Variants in PHF21B observed in about 807,000 individuals in gnomAD.
PHF21B encodes PHD finger protein 21B, also known as PHD finger protein 4.
A neutral mutation model predicts 62.2 loss-of-function variants in PHF21B; 22 were observed. That is an observed-to-expected ratio of 0.35 (90% CI 0.25 to 0.51). PHF21B has a LOEUF of 0.51. PHF21B is among the 20% of genes least tolerant of loss of function. PHF21B has a pLI of 0.97. For missense variants in PHF21B, 701 were observed against 707.9 expected (o/e 0.99, Z 0.11); for synonymous variants, 341 against 314.7 (o/e 1.08, Z -0.88).
At position 45,009,652 on chromosome 22, in the gene PHF21B, G is replaced by C; in HGVS notation, c.-103C>G. The C allele has an allele frequency of 3.4e-6, 4 of 1,187,710 alleles. No homozygotes were observed. Among genetic ancestry groups the C allele is most frequent in the South Asian group, 1.7e-5 (1 of 58,934 alleles). The allele number at this position is 1,187,710 out of a possible 1,614,324, so 73.6% of individuals were successfully genotyped here. A position where few individuals can be genotyped will look rare whatever the true frequency, so the allele number is the denominator to read the frequency against. ...GCGGGCGCGGGCGGACGCGGCCTCC[G>C]GGCTGGGTTGGGGGGGACACGAGCC... On this transcript the variant is annotated 5_prime_UTR_variant, in exon 1 of 13. Coordinates refer to ENST00000313237, the MANE Select transcript of PHF21B (RefSeq NM_138415.5). The surrounding 1 kb of genome is among the most constrained non-coding windows in gnomAD (Gnocchi z 5.9).
intron 5 of PHF21B, among the ~76,000 whole-genome samples, chr22:44,909,238 A>ACAATAATT (rs1481497156): frequency 6.6e-6 from 1 of 152,280 alleles, no homozygotes; most frequent in African/African-American, 2.4e-5. Flanking sequence ...GTATAAATGC[A>ACAATAATT]CAATAATTGA....
At chr22:44,895,286 G>A (rs573895145) in intron 6 of PHF21B, among the ~76,000 whole-genome samples, 2 of 152,224 alleles carry the variant, frequency 1.3e-5, no homozygotes, top group East Asian at 3.9e-4. Flanking sequence ...AGGCTTCCCA[G>A]GCCCTAAGAT....
chr22:45,008,165 A>T (rs938792774), intron 2 of PHF21B: 4 of 179,600 alleles, frequency 2.2e-5, no homozygotes, highest in Non-Finnish European at 4.6e-5. Context: ...GCTTCCAACG[A>T]GTTTGGTGTC....
chr22:44,901,969 C>T, intron 5 of PHF21B: 1 of 209,972 alleles, frequency 4.8e-6, no homozygotes, highest in Non-Finnish European at 9.9e-6. Context: ...GGCAAAAACC[C>T]CTTCAGCCAG....
intron 5 of PHF21B, among the ~76,000 whole-genome samples, chr22:44,908,883 C>T (rs539243260): frequency 6.3e-4 from 96 of 152,314 alleles, no homozygotes; most frequent in African/African-American, 2.2e-3. Context: ...CCGCAACCTC[C>T]GCCTCCCAGG....
chr22:45,007,705 G>C (rs1294016805), intron 2 of PHF21B, among the ~76,000 whole-genome samples: 9 of 105,218 alleles, frequency 8.6e-5, no homozygotes, highest in Non-Finnish European at 1.3e-4. Flanking sequence ...GGGTGTGCGA[G>C]CGCGGGGAAG....
intron 2 of PHF21B, among the ~76,000 whole-genome samples, chr22:45,002,640 C>T (rs931416082): frequency 2.0e-5 from 3 of 152,244 alleles, no homozygotes; most frequent in African/African-American, 7.2e-5. Flanking sequence ...GCATCCTTCA[C>T]ACTCCTCCCT....
intron 2 of PHF21B, among the ~76,000 whole-genome samples, chr22:44,974,762 C>T (rs117198869): frequency 1.8e-3 from 278 of 152,264 alleles, no homozygotes; most frequent in Non-Finnish European, 3.0e-3. Flanking sequence ...CAAATCAGAG[C>T]GCTGAGCGTG....
chr22:44,976,730 C>T (rs967766796), intron 2 of PHF21B, among the ~76,000 whole-genome samples: 8 of 152,180 alleles, frequency 5.3e-5, no homozygotes, highest in Non-Finnish European at 1.0e-4. Flanking sequence ...CACCTACAGG[C>T]CCATTTAAAA....
chr22:44,896,949 G>A (rs562179976), intron 5 of PHF21B, among the ~76,000 whole-genome samples: 2 of 144,324 alleles, frequency 1.4e-5, no homozygotes, highest in South Asian at 4.4e-4. Flanking sequence ...AGTAATCACA[G>A]CTCACTGCAG....
intron 2 of PHF21B, among the ~76,000 whole-genome samples, chr22:44,932,968 G>A (rs951459915): frequency 1.3e-5 from 2 of 152,222 alleles, no homozygotes; most frequent in African/African-American, 4.8e-5. Flanking sequence ...CAACCCTAGA[G>A]GTGCCCACAA....
At position 44,998,858 on chromosome 22, in the gene PHF21B, C is replaced by G. The variant is rs1343651163; in HGVS notation, c.120+9687G>C. On this transcript the variant is annotated intron_variant, in intron 2 of 12. Coordinates refer to ENST00000313237, the MANE Select transcript of PHF21B (RefSeq NM_138415.5). ...ACGCCCGGTGCGTACAATGCTCGCC[C>G]CATTCATCCCCGGGACATCACTGCC... 2.0e-5 allele frequency among the ~76,000 whole-genome samples: 3 copies of G among 152,198 alleles called. No individual in the cohort carries two copies. In the East Asian group the frequency reaches 5.8e-4, roughly 29 times the overall value.
Position 44,984,201 on chromosome 22 carries a change from TACC to T in PHF21B, c.120+24341_120+24343del, listed in dbSNP as rs1367862358. On this transcript the variant is annotated intron_variant, in intron 2 of 12. Transcript: ENST00000313237. The stretch of plus-strand genomic sequence containing the variant: ...TCACAACCACCATCATCACCACCAC[TACC>T]ACCATCATCACCACCACCATCACCA... 7.2e-3 allele frequency among the ~76,000 whole-genome samples: 85 copies of T among 11,758 alleles called. 1 individual carries two copies. The highest frequency in any genetic ancestry group is 0.029 in the African/African-American group (77 of 2,660). 7.7% of individuals were successfully genotyped at this position (11,758 alleles called of 152,430 possible). A position where few individuals can be genotyped will look rare whatever the true frequency, so the allele number is the denominator to read the frequency against.
chr22:44,973,201 G>A (rs896588956), intron 2 of PHF21B, among the ~76,000 whole-genome samples: 3 of 152,194 alleles, frequency 2.0e-5, no homozygotes, highest in Admixed American at 2.0e-4. Flanking sequence ...AGAGAAAACG[G>A]GGTCTGCTGG....
At chr22:44,985,399 G>T (rs1226676136) in intron 2 of PHF21B, among the ~76,000 whole-genome samples, 1 of 152,152 alleles carries the variant, frequency 6.6e-6, no homozygotes, top group African/African-American at 2.4e-5. Flanking sequence ...GATACATGAA[G>T]AAGTCAAGGC....
intron 2 of PHF21B, among the ~76,000 whole-genome samples, chr22:45,006,464 G>A (rs1282404855): frequency 6.6e-6 from 1 of 152,162 alleles, no homozygotes; most frequent in Non-Finnish European, 1.5e-5. Context: ...GCCCGGAGTC[G>A]GAGAGCTCCT....
intron 2 of PHF21B, among the ~76,000 whole-genome samples, chr22:44,955,989 C>A (rs2072288956): frequency 6.6e-6 from 1 of 152,198 alleles, no homozygotes; most frequent in South Asian, 2.1e-4. Flanking sequence ...TGGCCCACGA[C>A]AGGGAGGCAC....
At chr22:44,972,810 C>T (rs2072664313) in intron 2 of PHF21B, among the ~76,000 whole-genome samples, 1 of 152,146 alleles carries the variant, frequency 6.6e-6, no homozygotes, top group South Asian at 2.1e-4. Context: ...GCTGTGTGTC[C>T]GTCCCCCTAC....
chr22:44,973,310 T>C (rs181616585), intron 2 of PHF21B, among the ~76,000 whole-genome samples: 4 of 152,232 alleles, frequency 2.6e-5, no homozygotes, highest in East Asian at 1.9e-4. Context: ...AACTTCCAGA[T>C]TGGCAGATGT....
Sources: allele counts gnomAD v4.1 joint callset (sites outside exome capture counted in the v4.1 genomes callset), GRCh38; gene constraint gnomAD v4.1.1; non-coding constraint Gnocchi (gnomAD v3.1); transcripts MANE v1.5; gene names NCBI Gene and HGNC (gene_info 2026-07-23, HGNC 2026-07-21).